Variants in DLG2 observed in about 807,000 individuals in gnomAD.
DLG2 encodes the protein discs large MAGUK scaffold protein 2.
Under a neutral mutation model 132.5 loss-of-function variants are expected in DLG2, and 45 were observed. The observed-to-expected ratio is 0.34, with a 90% confidence interval of 0.27 to 0.44. The LOEUF is 0.44. Among genes scored for constraint, DLG2 ranks in the 20% least tolerant of loss-of-function variants. DLG2 has a pLI of 1.00. For missense variants in DLG2, 1,045 were observed against 1,196.9 expected (o/e 0.87, Z 1.87); for synonymous variants, 424 against 419.6 (o/e 1.01, Z -0.13).
chr11:84,737,667 T>C (rs1490146002), intron 6 of DLG2, among the ~76,000 whole-genome samples: 2 of 152,004 alleles, frequency 1.3e-5, no homozygotes, highest in Non-Finnish European at 2.9e-5. Flanking sequence ...AACAATATTG[T>C]CAGTGGGCAG....
rs528461093 is a variant in DLG2, at chr11:84,810,904, G to A, written c.358-276173C>T. Reference sequence around the variant, plus strand: ...TATTATAGAAATGGAGAACAGATCAGTGGTTCCCAGAGATTAAGAAGAGAC... The same window carrying A: ...TATTATAGAAATGGAGAACAGATCAATGGTTCCCAGAGATTAAGAAGAGAC... On this transcript the variant is annotated intron_variant, in intron 6 of 27. Coordinates refer to ENST00000376104, the MANE Select transcript of DLG2 (RefSeq NM_001142699.3). 2.8e-4 allele frequency among the ~76,000 whole-genome samples: 42 copies of A among 152,280 alleles called. 1 individual carries two copies. Among genetic ancestry groups the A allele is most frequent in the Admixed American group, 2.5e-3 (38 of 15,288 alleles).
At chr11:83,587,781 C>T (rs1022991975) in intron 19 of DLG2, among the ~76,000 whole-genome samples, 3 of 152,092 alleles carry the variant, frequency 2.0e-5, no homozygotes, top group South Asian at 2.1e-4. Flanking sequence ...TCAGTGGGTG[C>T]GCGCACCGTG....
intron 3 of DLG2, among the ~76,000 whole-genome samples, chr11:85,435,271 C>G (rs903091507): frequency 9.2e-5 from 14 of 152,128 alleles, no homozygotes; most frequent in Non-Finnish European, 1.5e-5. Flanking sequence ...CAAGGATGCC[C>G]TTTCTCACCA....
intron 4 of DLG2, among the ~76,000 whole-genome samples, chr11:85,230,801 CATGAAGGTCATTCCTT>C (rs1053710710): frequency 6.6e-5 from 10 of 151,932 alleles, no homozygotes; most frequent in Admixed American, 5.9e-4. Flanking sequence ...GCCTTTAGGT[CATGAAGGTCATTCCTT>C]ATGAATGGAA....
At position 84,938,068 on chromosome 11, in the gene DLG2, T is replaced by G. The variant is rs542032543; in HGVS notation, c.357+173593A>C. On this transcript the variant is annotated intron_variant, in intron 6 of 27. Transcript: ENST00000376104. ...GAACCTTGAAATACTGTGTGGCTTTTTAACAGTTCTGTGAGGTTTGTATTA... is the reference window on the plus strand; with the variant it reads ...GAACCTTGAAATACTGTGTGGCTTTGTAACAGTTCTGTGAGGTTTGTATTA... 5.9e-5 allele frequency among the ~76,000 whole-genome samples: 9 copies of G among 152,330 alleles called. No individual in the cohort carries two copies. The East Asian group carries it at 1.7e-3, about 29-fold the overall frequency.
At chr11:83,840,551 G>A (rs1385629234) in intron 16 of DLG2, among the ~76,000 whole-genome samples, 2 of 152,186 alleles carry the variant, frequency 1.3e-5, no homozygotes, top group Non-Finnish European at 2.9e-5. Flanking sequence ...TCATCTAAAA[G>A]GGGGCTGCTG....
intron 6 of DLG2, among the ~76,000 whole-genome samples, chr11:84,538,091 C>G (rs984696154): frequency 6.6e-6 from 1 of 152,186 alleles, no homozygotes; most frequent in Non-Finnish European, 1.5e-5. Flanking sequence ...CTGAGTTATA[C>G]TTGTGCACAG....
chr11:84,998,494 T>G (rs2154129424), intron 6 of DLG2, among the ~76,000 whole-genome samples: 1 of 152,292 alleles, frequency 6.6e-6, no homozygotes, highest in Non-Finnish European at 1.5e-5. Flanking sequence ...TGGGTATTTC[T>G]TCATAGCAGT....
intron 5 of DLG2, among the ~76,000 whole-genome samples, chr11:85,126,660 C>G (rs1252371945): frequency 6.6e-6 from 1 of 152,030 alleles, no homozygotes; most frequent in African/African-American, 2.4e-5. Context: ...AGACATGCCA[C>G]CTTGCAGACA....
rs35958666 is a variant in DLG2, at chr11:83,477,742, G to GTT, written c.2294-4967_2294-4966dup. Among the ~76,000 whole-genome samples the GTT allele has an allele frequency of 1.3e-3, 203 of 150,986 alleles. 2 individuals carry two copies. The highest frequency in any genetic ancestry group is 9.2e-3 in the South Asian group (44 of 4,768). On this transcript the variant is annotated intron_variant, in intron 22 of 27. Transcript: ENST00000376104. ...CACCTGGATATTGGTGAAAAGAGGG[G>GTT]TTTTTTTTTGTATTTGTTTATACTA...
At chr11:85,506,940 C>T (rs2093949407) in intron 3 of DLG2, among the ~76,000 whole-genome samples, 1 of 152,180 alleles carries the variant, frequency 6.6e-6, no homozygotes, top group Admixed American at 6.5e-5. Context: ...GTTAGTTCTT[C>T]TTGTCGAATT....
intron 7 of DLG2, among the ~76,000 whole-genome samples, chr11:84,306,164 T>C (rs973683339): frequency 3.9e-5 from 6 of 152,100 alleles, no homozygotes; most frequent in Non-Finnish European, 7.4e-5. Flanking sequence ...AAAGAAATAA[T>C]AGATGTTGGA....
intron 6 of DLG2, among the ~76,000 whole-genome samples, chr11:85,096,645 T>C (rs2069846230): frequency 6.6e-6 from 1 of 152,146 alleles, no homozygotes; most frequent in Admixed American, 6.5e-5. Flanking sequence ...TAGTCACATT[T>C]TGGCAACCCA....
chr11:85,018,834 G>C (rs1248011895), intron 6 of DLG2, among the ~76,000 whole-genome samples: 1 of 126,772 alleles, frequency 7.9e-6, no homozygotes, highest in Non-Finnish European at 1.7e-5. Flanking sequence ...ATAAGGACTT[G>C]TTTATTTTGA....
chr11:84,756,355 TCC>T (rs1282813962), intron 6 of DLG2, among the ~76,000 whole-genome samples: 1 of 152,170 alleles, frequency 6.6e-6, no homozygotes, highest in Non-Finnish European at 1.5e-5. Context: ...ACACCTGTAA[TCC>T]CAGCCCTTTA....
At chr11:83,506,717 G>T (rs12574886) in intron 21 of DLG2, among the ~76,000 whole-genome samples, 3 of 152,102 alleles carry the variant, frequency 2.0e-5, no homozygotes, top group African/African-American at 7.2e-5. Context: ...GGCAAAAAAA[G>T]GTTCATCAGA....
intron 19 of DLG2, among the ~76,000 whole-genome samples, chr11:83,595,111 G>A (rs1289050250): frequency 6.8e-6 from 1 of 147,828 alleles, no homozygotes; most frequent in Non-Finnish European, 1.5e-5. Flanking sequence ...ATCTTTACAA[G>A]CAATAAATCT....
intron 3 of DLG2, among the ~76,000 whole-genome samples, chr11:85,391,512 G>C (rs1416516388): frequency 6.6e-6 from 1 of 152,026 alleles, no homozygotes; most frequent in Non-Finnish European, 1.5e-5. Flanking sequence ...CAATATCTCT[G>C]ATGAACATAA....
Position 83,728,772 on chromosome 11 carries a change from C to G in DLG2, c.1825+57918G>C, listed in dbSNP as rs966562675. ...TTGTCTTAGGCCTAAATCACAGGGC[C>G]TTCCTCCTTGAAATAGGTTCAGTTC... On this transcript the variant is annotated intron_variant, in intron 18 of 27. Transcript: ENST00000376104. 7.9e-5 allele frequency among the ~76,000 whole-genome samples: 12 copies of G among 152,344 alleles called. No individual in the cohort carries two copies. The South Asian group carries it at 1.9e-3, about 24-fold the overall frequency.
Sources: gnomAD v4.1 joint callset for allele counts (sites outside exome capture counted in the v4.1 genomes callset) on GRCh38, gnomAD v4.1.1 for gene constraint, MANE v1.5 for transcripts, NCBI Gene and HGNC (gene_info 2026-07-23, HGNC 2026-07-21) for gene names.